Variants in EPHB1 observed in about 807,000 individuals in gnomAD.
EPHB1 encodes EPH receptor B1, also known as ephrin type-B receptor 1.
In EPHB1, 30 loss-of-function variants were observed where a neutral mutation model predicts 94.4. The ratio of observed to expected loss-of-function variants is 0.32; its 90% CI spans 0.24 to 0.43. The LOEUF (loss-of-function observed/expected upper bound fraction) is 0.43. Ranked by LOEUF, EPHB1 falls within the 20% of genes least tolerant of loss-of-function variation. The pLI is 1.00. For missense variants in EPHB1, 1,055 were observed against 1,308.3 expected (o/e 0.81, Z 2.99); for synonymous variants, 522 against 489.1 (o/e 1.07, Z -0.89).
chr3:134,925,597 T>C (rs540739302), intron 1 of EPHB1, among the ~76,000 whole-genome samples: 7 of 152,224 alleles, frequency 4.6e-5, no homozygotes, highest in Admixed American at 3.9e-4. Context: ...AGACGTGAAG[T>C]CTGTATCCAA....
At chr3:134,882,819 T>C (rs987861353) in intron 1 of EPHB1, among the ~76,000 whole-genome samples, 2 of 138,838 alleles carry the variant, frequency 1.4e-5, no homozygotes, top group Non-Finnish European at 3.2e-5. Context: ...TCTTTCTTTC[T>C]TTCTTTTCTT....
intron 1 of EPHB1, among the ~76,000 whole-genome samples, chr3:134,803,749 C>CT (rs2035978371): frequency 1.3e-5 from 2 of 152,200 alleles, no homozygotes; most frequent in African/African-American, 4.8e-5. Context: ...CCAAAGTTTG[C>CT]CAAACTCCCT....
chr3:135,041,410 A>G (rs1936838964), intron 3 of EPHB1, among the ~76,000 whole-genome samples: 4 of 152,126 alleles, frequency 2.6e-5, no homozygotes, highest in Admixed American at 2.0e-4. Context: ...CTTCCTGTAA[A>G]GATACCTCCT....
intron 1 of EPHB1, among the ~76,000 whole-genome samples, chr3:134,827,300 A>G (rs890261555): frequency 6.6e-6 from 1 of 152,156 alleles, no homozygotes; most frequent in African/African-American, 2.4e-5. Context: ...TAAGCTTCCC[A>G]TTACAATTAT....
intron 1 of EPHB1, among the ~76,000 whole-genome samples, chr3:134,894,413 G>A (rs1036799536): frequency 1.3e-5 from 2 of 152,196 alleles, no homozygotes; most frequent in South Asian, 2.1e-4. Flanking sequence ...ATGCAAAGGT[G>A]AAAGTTTTAC....
rs76568845 is a variant in EPHB1 at position 135,079,507 on chromosome 3, G to T, written c.806-26941G>T. ...TGCCACAGATCCCCTGACCCCATCA[G>T]TGCAAACACTCTGAAAGGCTCTGCT... On this transcript the variant is annotated intron_variant, in intron 3 of 15. Coordinates refer to ENST00000398015, the MANE Select transcript of EPHB1 (RefSeq NM_004441.5). Among the ~76,000 whole-genome samples, 119 of 152,294 alleles carry T rather than the reference G, an allele frequency of 7.8e-4. 1 individual carries two copies. In the East Asian group the frequency reaches 0.02, roughly 26 times the overall value.
At chr3:135,034,776 G>C (rs1936590976) in intron 3 of EPHB1, among the ~76,000 whole-genome samples, 1 of 152,234 alleles carries the variant, frequency 6.6e-6, no homozygotes, top group African/African-American at 2.4e-5. Flanking sequence ...TCAAGCAGGT[G>C]GGGGCCCCAG....
chr3:135,208,248 G>A (rs1942949882), intron 12 of EPHB1, among the ~76,000 whole-genome samples: 1 of 151,488 alleles, frequency 6.6e-6, no homozygotes, highest in African/African-American at 2.4e-5. Flanking sequence ...CAAACGCTGT[G>A]ATAGGAGTTG....
intron 3 of EPHB1, among the ~76,000 whole-genome samples, chr3:135,029,255 A>G (rs1936319652): frequency 6.7e-6 from 1 of 149,030 alleles, no homozygotes; most frequent in Non-Finnish European, 1.5e-5. Context: ...TGTGAATTTG[A>G]TCCTGTCATT....
At chr3:135,191,297 G>A (rs1431843225) in intron 10 of EPHB1, among the ~76,000 whole-genome samples, 10 of 152,176 alleles carry the variant, frequency 6.6e-5, no homozygotes, top group Non-Finnish European at 4.4e-5. Context: ...ATCAAGTTCT[G>A]TTGACTCTGG....
At chr3:134,837,569 G>T (rs1449859114) in intron 1 of EPHB1, among the ~76,000 whole-genome samples, 1 of 152,206 alleles carries the variant, frequency 6.6e-6, no homozygotes, top group Non-Finnish European at 1.5e-5. Flanking sequence ...CAGGGAAGGG[G>T]TAGGGCTGGT....
At chr3:134,846,290 C>T (rs2036870768) in intron 1 of EPHB1, among the ~76,000 whole-genome samples, 2 of 152,154 alleles carry the variant, frequency 1.3e-5, no homozygotes. Context: ...CGAACAGAAG[C>T]CAATTATGAA....
intron 1 of EPHB1, among the ~76,000 whole-genome samples, chr3:134,909,457 C>T (rs867089385): frequency 1.1e-4 from 17 of 152,188 alleles, no homozygotes; most frequent in Admixed American, 8.5e-4. Flanking sequence ...ACCATGCCTC[C>T]GAAGCTTTTC....
At chr3:135,252,214 ATTTATTT>A (rs1475993344) in intron 15 of EPHB1, among the ~76,000 whole-genome samples, 1 of 150,110 alleles carries the variant, frequency 6.7e-6, no homozygotes, top group African/African-American at 2.5e-5. Context: ...AATATTTTTT[ATTTATTT>A]TTTATTATTA....
chr3:135,204,938 CCTACCACCACCCT>C (rs1942861825), intron 12 of EPHB1, among the ~76,000 whole-genome samples: 1 of 142,490 alleles, frequency 7.0e-6, no homozygotes, highest in Non-Finnish European at 1.5e-5. Context: ...ACCACCACCC[CCTACCACCACCCT>C]TCCCAACCTC....
intron 12 of EPHB1, among the ~76,000 whole-genome samples, chr3:135,216,502 C>A (rs1286271269): frequency 6.6e-6 from 1 of 151,858 alleles, no homozygotes; most frequent in Non-Finnish European, 1.5e-5. Flanking sequence ...GTGGGCAGAT[C>A]TCTTGAGGTC....
At position 134,986,522 on chromosome 3, in the gene EPHB1, G is replaced by T. The variant is rs145171415; in HGVS notation, c.805+34470G>T. 1.2e-4 allele frequency among the ~76,000 whole-genome samples: 18 copies of T among 152,274 alleles called. No homozygotes were observed. The East Asian group carries it at 3.5e-3, about 29-fold the overall frequency. On this transcript the variant is annotated intron_variant, in intron 3 of 15. Transcript: ENST00000398015. ...CAACTCAGGTTCAGCATCAGCCAAAGCACTTGGAAATACCTAAGTGATGTC... is the reference window on the plus strand; with the variant it reads ...CAACTCAGGTTCAGCATCAGCCAAATCACTTGGAAATACCTAAGTGATGTC...
At chr3:134,880,774 G>A (rs953111969) in intron 1 of EPHB1, among the ~76,000 whole-genome samples, 3 of 152,222 alleles carry the variant, frequency 2.0e-5, no homozygotes, top group Admixed American at 6.5e-5. Context: ...GAGGGCCTGC[G>A]GCCCTTCCAG....
At chr3:134,934,625 A>G (rs2038965944) in intron 2 of EPHB1, among the ~76,000 whole-genome samples, 1 of 150,164 alleles carries the variant, frequency 6.7e-6, no homozygotes, top group Non-Finnish European at 1.5e-5. Context: ...CGTGTTGTGC[A>G]GTAGAATGTC....
Sources: allele counts gnomAD v4.1 joint callset (sites outside exome capture counted in the v4.1 genomes callset), GRCh38; gene constraint gnomAD v4.1.1; transcripts MANE v1.5; gene names NCBI Gene and HGNC (gene_info 2026-07-23, HGNC 2026-07-21).